Variants in IRAK2 observed in about 807,000 individuals in gnomAD.
IRAK2 encodes interleukin-1 receptor-associated kinase-like 2.
IRAK2 carries 57 observed loss-of-function variants against 72.0 expected under a neutral mutation model. That is an observed-to-expected ratio of 0.79 (90% CI 0.64 to 0.99). The LOEUF (loss-of-function observed/expected upper bound fraction) is 0.99. IRAK2 is among the 50% of genes least tolerant of loss of function. The pLI, the probability that IRAK2 is intolerant of heterozygous loss-of-function variation, is 0.00. For missense variants in IRAK2, 790 were observed against 794.4 expected (o/e 0.99, Z 0.07); for synonymous variants, 293 against 312.7 (o/e 0.94, Z 0.67).
chr3:10,177,298 G>C (rs1696891685), intron 1 of IRAK2, among the ~76,000 whole-genome samples: 1 of 152,110 alleles, frequency 6.6e-6, no homozygotes, highest in African/African-American at 2.4e-5. Context: ...AGATGCCCAG[G>C]GCAAAATGTA....
intron 4 of IRAK2, among the ~76,000 whole-genome samples, chr3:10,210,244 T>A (rs114416320): frequency 1.2e-4 from 18 of 152,188 alleles, no homozygotes; most frequent in African/African-American, 4.1e-4. Context: ...ATTATTTTAT[T>A]TTATTTTCGA....
rs1698082358 is a variant in IRAK2 at position 10,242,784 on chromosome 3, G to A, written c.*556G>A. On this transcript the variant is annotated 3_prime_UTR_variant, in exon 13 of 13. Coordinates refer to ENST00000256458, the MANE Select transcript of IRAK2 (RefSeq NM_001570.4). ...AGACTCCCAAAGTGCTGGAATTACAGTTGGGAGCCACTGTGCCTGGCCTGG... is the reference window on the plus strand; with the variant it reads ...AGACTCCCAAAGTGCTGGAATTACAATTGGGAGCCACTGTGCCTGGCCTGG... 1.3e-5 allele frequency: 2 copies of A among 152,248 alleles called. No individual in the cohort carries two copies. The highest frequency in any genetic ancestry group is 1.3e-4 in the Admixed American group (2 of 15,278). The allele number at this position is 152,248 out of a possible 1,614,324, so 9.4% of individuals were successfully genotyped here.
At chr3:10,240,558 C>CCCCCCCTT (rs1274154130) in intron 12 of IRAK2, among the ~76,000 whole-genome samples, 4 of 18,064 alleles carry the variant, frequency 2.2e-4, no homozygotes, top group African/African-American at 6.9e-4. Flanking sequence ...CCCCCCCCGC[C>CCCCCCCTT]TTTTTTTTTT....
rs1461493784 is a variant in IRAK2 at position 10,243,457 on chromosome 3, A to AT, written c.*1230dup. ...GGACCTCAGTTTCTTTGTAAGTAAA[A>AT]TAACACCTGCTTGTTCTTCATCCCT... On this transcript the variant is annotated 3_prime_UTR_variant, in exon 13 of 13. Coordinates refer to ENST00000256458, the MANE Select transcript of IRAK2 (RefSeq NM_001570.4). 6.5e-6 allele frequency: 1 copy of AT among 152,672 alleles called. No homozygotes were observed. Among genetic ancestry groups the AT allele is most frequent in the African/African-American group, 2.4e-5 (1 of 41,468 alleles). 9.5% of individuals were successfully genotyped at this position (152,672 alleles called of 1,614,324 possible).
At chr3:10,223,313 G>A (rs1038727946) in intron 9 of IRAK2, among the ~76,000 whole-genome samples, 24 of 152,080 alleles carry the variant, frequency 1.6e-4, no homozygotes, top group Admixed American at 9.2e-4. Context: ...CATCCATTCA[G>A]CGACCACTGA....
At chr3:10,175,759 G>A (rs1057379861) in intron 1 of IRAK2, among the ~76,000 whole-genome samples, 1 of 151,786 alleles carries the variant, frequency 6.6e-6, no homozygotes, top group East Asian at 1.9e-4. Context: ...GCGTGGTGGT[G>A]GGCGCCTGTA....
chr3:10,226,483 C>G lies in IRAK2; in HGVS notation c.1272+50C>G, dbSNP rs767900765. ...TGGGAGGTATATTTGGGCCTCACAG[C>G]TCTGTAGAGAGGGCAACGACCTCAA... On this transcript the variant is annotated intron_variant, in intron 10 of 12. Coordinates refer to ENST00000256458, the MANE Select transcript of IRAK2 (RefSeq NM_001570.4). 6 of 1,481,576 alleles carry G rather than the reference C, an allele frequency of 4.0e-6. No individual in the cohort carries two copies. The East Asian group carries it at 1.4e-4, about 34-fold the overall frequency. 91.8% of individuals were successfully genotyped at this position (1,481,576 alleles called of 1,614,324 possible).
intron 2 of IRAK2, among the ~76,000 whole-genome samples, chr3:10,198,044 A>C (rs1697299292): frequency 6.6e-6 from 1 of 150,914 alleles, no homozygotes; most frequent in Non-Finnish European, 1.5e-5. Flanking sequence ...CTAAAAATAG[A>C]AAAAATTAGC....
In IRAK2 at chr3:10,199,884, C is replaced by CTTT. The variant is rs145377518; in HGVS notation, c.278-466_278-464dup. Among the ~76,000 whole-genome samples the CTTT allele has an allele frequency of 3.9e-3, 481 of 124,090 alleles. 15 individuals carry two copies. The highest frequency in any genetic ancestry group is 0.015 in the African/African-American group (449 of 29,264). 81.4% of individuals were successfully genotyped at this position (124,090 alleles called of 152,430 possible). A position where few individuals can be genotyped will look rare whatever the true frequency, so the allele number is the denominator to read the frequency against. ...AGGACTGCCATGTTCAGCCACTGCT[C>CTTT]TTTTTTTTTTTTTTTTTTTTTGAGA... is the stretch of plus-strand genomic sequence containing the variant. On this transcript the variant is annotated intron_variant, in intron 2 of 12. Coordinates refer to ENST00000256458, the MANE Select transcript of IRAK2 (RefSeq NM_001570.4).
chr3:10,219,874 C>G (rs1697662280), intron 8 of IRAK2, 85 bp downstream of exon 8: 1 of 844,536 alleles, frequency 1.2e-6, no homozygotes. Flanking sequence ...CCCGCTCCGC[C>G]ACTCACCCCT....
At chr3:10,171,774 T>TTC (rs1275572099) in intron 1 of IRAK2, among the ~76,000 whole-genome samples, 1 of 151,068 alleles carries the variant, frequency 6.6e-6, no homozygotes, top group African/African-American at 2.4e-5. Context: ...CCAGCCTTTT[T>TTC]TTTTTTTTTG....
chr3:10,232,090 G>A (rs1177048832), intron 10 of IRAK2, among the ~76,000 whole-genome samples: 1 of 152,212 alleles, frequency 6.6e-6, no homozygotes, highest in Non-Finnish European at 1.5e-5. Context: ...TCGTGCCACT[G>A]CACTACAGCC....
chr3:10,220,218 C>G (rs188557385), intron 8 of IRAK2, among the ~76,000 whole-genome samples: 1 of 152,294 alleles, frequency 6.6e-6, no homozygotes, highest in East Asian at 1.9e-4. Context: ...TTGGTGTTAG[C>G]ATCTTGTCTG....
chr3:10,221,218 T>C lies in IRAK2; in HGVS notation c.1014-1418T>C, dbSNP rs569243168. Among the ~76,000 whole-genome samples, 349 of 146,800 alleles carry C rather than the reference T, an allele frequency of 2.4e-3. 3 individuals are homozygous for C. The Middle Eastern group carries it at 0.024, about 10-fold the overall frequency. On this transcript the variant is annotated intron_variant, in intron 8 of 12. Coordinates refer to ENST00000256458, the MANE Select transcript of IRAK2 (RefSeq NM_001570.4). ...CCATCCTGGCTAACACGGTGAAACC[T>C]CGTCTCTACTAAAAATACCAAAAAA...
chr3:10,234,190 T>C (rs557795224), intron 10 of IRAK2, among the ~76,000 whole-genome samples: 49 of 152,156 alleles, frequency 3.2e-4, no homozygotes, highest in Non-Finnish European at 5.6e-4. Context: ...TTGTTCCCAT[T>C]TTCCTGATGA....
chr3:10,181,292 T>C (rs1696955916), intron 2 of IRAK2, among the ~76,000 whole-genome samples: 1 of 151,648 alleles, frequency 6.6e-6, no homozygotes, highest in East Asian at 1.9e-4. Context: ...AGAATCAATA[T>C]GGAGTGACTT....
rs1697336982 is a variant in IRAK2 at position 10,200,325 on chromosome 3, C to G, written c.278-44C>G. On this transcript the variant is annotated intron_variant, in intron 2 of 12. Transcript: ENST00000256458. The stretch of plus-strand genomic sequence containing the variant: ...AGAACCAGTCTCTCAATGGCTACCC[C>G]ACTTCATGGAATAGTAATAACTTTC... 2.6e-6 allele frequency: 4 copies of G among 1,517,022 alleles called. No homozygotes were observed. In the East Asian group the frequency reaches 9.2e-5, roughly 35 times the overall value. The allele number at this position is 1,517,022 out of a possible 1,614,324, so 94.0% of individuals were successfully genotyped here. A position where few individuals can be genotyped will look rare whatever the true frequency, so the allele number is the denominator to read the frequency against.
intron 2 of IRAK2, among the ~76,000 whole-genome samples, chr3:10,192,411 C>A (rs1018724054): frequency 2.0e-5 from 3 of 152,212 alleles, no homozygotes; most frequent in Non-Finnish European, 2.9e-5. Flanking sequence ...GCTAGTGTGA[C>A]GGCCCAGGCC....
intron 2 of IRAK2, among the ~76,000 whole-genome samples, chr3:10,197,623 A>C (rs371744331): frequency 6.6e-6 from 1 of 151,974 alleles, no homozygotes; most frequent in East Asian, 1.9e-4. Context: ...GAGGCTGAAG[A>C]GGGCGGATCA....
Sources: allele counts gnomAD v4.1 joint callset (sites outside exome capture counted in the v4.1 genomes callset), GRCh38; gene constraint gnomAD v4.1.1; transcripts MANE v1.5; gene names NCBI Gene and HGNC (gene_info 2026-07-23, HGNC 2026-07-21).